PCDHGA11: variants seen among roughly 807,000 people sequenced by gnomAD.
PCDHGA11 encodes the protein protocadherin gamma subfamily A, 11.
Under a neutral mutation model 60.4 loss-of-function variants are expected in PCDHGA11, and 39 were observed. That is an observed-to-expected ratio of 0.65 (90% CI 0.50 to 0.84). The LOEUF is 0.84. Among genes scored for constraint, PCDHGA11 ranks in the 40% least tolerant of loss-of-function variants. The pLI is 0.00. For synonymous variants in PCDHGA11, 533 were observed against 510.3 expected, an observed-to-expected ratio of 1.04 and a Z score of -0.60; for missense variants, 1,165 against 1,197.7, an observed-to-expected ratio of 0.97 and a Z score of 0.40.
At position 141,487,215 on chromosome 5, in the gene PCDHGA11, C is replaced by G. The variant is rs1248989099; in HGVS notation, c.2434-7592C>G. 4 of 1,613,850 alleles carry G rather than the reference C, an allele frequency of 2.5e-6. No homozygotes were observed. Among genetic ancestry groups the G allele is most frequent in the East Asian group, 4.5e-5 (2 of 44,882 alleles). The stretch of plus-strand genomic sequence containing the variant: ...GTCCCAGATCTTCGAGAATCTTCAG[C>G]TCCAAGGGAAGGAGAATCTCGTCTA... On this transcript the variant is annotated intron_variant, in intron 1 of 3. Coordinates refer to ENST00000398587, the MANE Select transcript of PCDHGA11 (RefSeq NM_018914.3). This position sits in a 1 kb window ranked among gnomAD's most constrained non-coding sequence, Gnocchi z 5.0.
rs532830928 is a variant in PCDHGA11 at position 141,473,487 on chromosome 5, A to G, written c.2434-21320A>G. Reference sequence around the variant, plus strand: ...TTGTGCCAAGTTCAATGGAAAAAATATAAGGTGTTCTGAGAGAGCATAACA... The same window carrying G: ...TTGTGCCAAGTTCAATGGAAAAAATGTAAGGTGTTCTGAGAGAGCATAACA... On this transcript the variant is annotated intron_variant, in intron 1 of 3. Coordinates refer to ENST00000398587, the MANE Select transcript of PCDHGA11 (RefSeq NM_018914.3). 2.0e-3 allele frequency among the ~76,000 whole-genome samples: 310 copies of G among 152,242 alleles called. 5 individuals carry two copies. The South Asian group carries it at 0.052, about 25-fold the overall frequency.
intron 1 of PCDHGA11, chr5:141,428,732 T>C (rs976924838): frequency 1.3e-5 from 2 of 159,284 alleles, no homozygotes; most frequent in African/African-American, 4.8e-5. Context: ...CTTAAACATA[T>C]TATATCTACT....
Position 141,502,866 on chromosome 5 carries a change from C to CTTTTTTTTTTTTT in PCDHGA11, c.2493-2525_2493-2513dup, listed in dbSNP as rs549047197. ...GAGCTGCCTAACCCTGACTCTCTGT[C>CTTTTTTTTTTTTT]TTTTTTTTTTTTTTGACAGGGAGTC... On this transcript the variant is annotated intron_variant, in intron 2 of 3. Transcript: ENST00000398587. Among the ~76,000 whole-genome samples, 40 of 128,010 alleles carry CTTTTTTTTTTTTT rather than the reference C, an allele frequency of 3.1e-4. 6 individuals carry two copies. The highest frequency in any genetic ancestry group is 5.1e-4 in the Admixed American group (6 of 11,656). 84.0% of individuals were successfully genotyped at this position (128,010 alleles called of 152,430 possible). A position where few individuals can be genotyped will look rare whatever the true frequency, so the allele number is the denominator to read the frequency against.
rs756706355 is a variant in PCDHGA11 at position 141,486,950 on chromosome 5, G to A, written c.2434-7857G>A. On this transcript the variant is annotated intron_variant, in intron 1 of 3. Transcript: ENST00000398587. This position sits in a 1 kb window ranked among gnomAD's most constrained non-coding sequence, Gnocchi z 5.0. The stretch of plus-strand genomic sequence containing the variant: ...TGGTGCTGGCCACCTAATCACAAAG[G>A]TGACTGCTGTGGACTTGGATTCAGG... 2 of 1,614,202 alleles carry A rather than the reference G, an allele frequency of 1.2e-6. No homozygotes were observed. The highest frequency in any genetic ancestry group is 1.7e-6 in the Non-Finnish European group (2 of 1,180,044).
intron 1 of PCDHGA11, among the ~76,000 whole-genome samples, chr5:141,456,537 G>A (rs1411788378): frequency 1.3e-5 from 2 of 152,178 alleles, no homozygotes; most frequent in African/African-American, 4.8e-5. Flanking sequence ...ATTAAAGAGG[G>A]ATTGTAGCCA....
chr5:141,504,956 G>A (rs1327603937), intron 2 of PCDHGA11, among the ~76,000 whole-genome samples: 1 of 152,096 alleles, frequency 6.6e-6, no homozygotes, highest in Non-Finnish European at 1.5e-5. Context: ...TATGTTCAAT[G>A]CATTGGACCA....
In PCDHGA11 at chr5:141,493,364, TTGGAAC is replaced by T. The variant is rs1405602213; in HGVS notation, c.2434-1441_2434-1436del. Among the ~76,000 whole-genome samples, 1 of 152,184 alleles carries T rather than the reference TTGGAAC, an allele frequency of 6.6e-6. No homozygotes were observed. Among genetic ancestry groups the T allele is most frequent in the South Asian group, 2.1e-4 (1 of 4,824 alleles). On this transcript the variant is annotated intron_variant, in intron 1 of 3. Coordinates refer to ENST00000398587, the MANE Select transcript of PCDHGA11 (RefSeq NM_018914.3). The surrounding 1 kb of genome is among the most constrained non-coding windows in gnomAD (Gnocchi z 4.3). Reference sequence around the variant, plus strand: ...ATGTGTGCTTTTAATTTCTTGGCACTTGGAACTTTAAAAGCTTGAGGACAGGAGAGG... The same window carrying T: ...ATGTGTGCTTTTAATTTCTTGGCACTTTTAAAAGCTTGAGGACAGGAGAGG...
chr5:141,431,867 A>C lies in PCDHGA11; in HGVS notation c.2433+8207A>C. On this transcript the variant is annotated intron_variant, in intron 1 of 3. Transcript: ENST00000398587. The surrounding 1 kb of genome is among the most constrained non-coding windows in gnomAD (Gnocchi z 4.8). ...CAGAGGGACATTAATTGCCCTTTTA[A>C]ATGTAAATGACCAAGATTCTGAGGA... 6.2e-7 allele frequency: 1 copy of C among 1,614,226 alleles called. No individual in the cohort carries two copies. Among genetic ancestry groups the C allele is most frequent in the Non-Finnish European group, 8.5e-7 (1 of 1,180,024 alleles).
At position 141,431,359 on chromosome 5, in the gene PCDHGA11, G is replaced by C; in HGVS notation, c.2433+7699G>C. ...CCGAATTGGTGCTGAAACGCGCCCT[G>C]GACCGCGAAGAAAAGGCTGCTCACC... On this transcript the variant is annotated intron_variant, in intron 1 of 3. Coordinates refer to ENST00000398587, the MANE Select transcript of PCDHGA11 (RefSeq NM_018914.3). This position sits in a 1 kb window ranked among gnomAD's most constrained non-coding sequence, Gnocchi z 4.8. The C allele has an allele frequency of 6.2e-7, 1 of 1,614,024 alleles. No homozygotes were observed. Among genetic ancestry groups the C allele is most frequent in the Non-Finnish European group, 8.5e-7 (1 of 1,180,030 alleles).
intron 1 of PCDHGA11, among the ~76,000 whole-genome samples, chr5:141,469,600 T>C (rs1276702104): frequency 6.6e-6 from 1 of 151,974 alleles, no homozygotes; most frequent in Non-Finnish European, 1.5e-5. Flanking sequence ...TAAAACAAAA[T>C]AAGTAAAATA....
intron 1 of PCDHGA11, 92 bp downstream of exon 1, chr5:141,423,752 G>GC: frequency 1.6e-6 from 1 of 644,956 alleles, no homozygotes; most frequent in East Asian, 1.1e-4. Context: ...AAACTGTTTG[G>GC]GGGGGGGGTG....
intron 2 of PCDHGA11, among the ~76,000 whole-genome samples, chr5:141,502,170 G>A (rs1165631931): frequency 6.6e-6 from 1 of 152,128 alleles, no homozygotes; most frequent in Admixed American, 6.5e-5. Context: ...TTCAGTTGAG[G>A]AATTTAACAT....
chr5:141,483,716 G>C (rs772661472), intron 1 of PCDHGA11, among the ~76,000 whole-genome samples: 1 of 151,974 alleles, frequency 6.6e-6, no homozygotes, highest in Non-Finnish European at 1.5e-5. Context: ...CCAGAATATT[G>C]GTTCCCACCA....
At chr5:141,509,758 C>T (rs574741134) in intron 3 of PCDHGA11, among the ~76,000 whole-genome samples, 17 of 152,202 alleles carry the variant, frequency 1.1e-4, no homozygotes. Flanking sequence ...CTAAAGTGTC[C>T]CTGAGATGTC....
At chr5:141,459,703 T>G (rs2098973426) in intron 1 of PCDHGA11, among the ~76,000 whole-genome samples, 1 of 152,226 alleles carries the variant, frequency 6.6e-6, no homozygotes, top group African/African-American at 2.4e-5. Context: ...CTTGCTACAT[T>G]TTCTCACCAA....
chr5:141,454,575 T>G (rs1430018751), intron 1 of PCDHGA11, among the ~76,000 whole-genome samples: 1 of 151,400 alleles, frequency 6.6e-6, no homozygotes, highest in African/African-American at 2.4e-5. Context: ...CCCGGCTAAT[T>G]TTGTATTTTT....
In PCDHGA11 at chr5:141,421,227, C is replaced by T. The variant is rs1387397967; in HGVS notation, c.-1C>T. ...CGCGGAATATCGGCTTAGAGCCTGC[C>T]ATGGCGAATCGGCTACAGCGCGGGG... On this transcript the variant is annotated 5_prime_UTR_variant, in exon 1 of 4. Transcript: ENST00000398587. 6.3e-7 allele frequency: 1 copy of T among 1,587,020 alleles called. No homozygotes were observed. The highest frequency in any genetic ancestry group is 8.6e-7 in the Non-Finnish European group (1 of 1,168,684).
At chr5:141,482,530 CAAAAAAAAA>C (rs3074545) in intron 1 of PCDHGA11, among the ~76,000 whole-genome samples, 16 of 76,560 alleles carry the variant, frequency 2.1e-4, no homozygotes, top group African/African-American at 7.7e-4. Context: ...GACAGACATG[CAAAAAAAAA>C]AAAAAAAAAA....
chr5:141,486,083 C>T lies in PCDHGA11; in HGVS notation c.2434-8724C>T, dbSNP rs367657659. On this transcript the variant is annotated intron_variant, in intron 1 of 3. Coordinates refer to ENST00000398587, the MANE Select transcript of PCDHGA11 (RefSeq NM_018914.3). This position sits in a 1 kb window ranked among gnomAD's most constrained non-coding sequence, Gnocchi z 5.0. ...GCACCCCACTACTGGAAAGCTTACTCTTTTGGGGCCCCTAGACTTTGAGAG... is the reference window on the plus strand; with the variant it reads ...GCACCCCACTACTGGAAAGCTTACTTTTTTGGGGCCCCTAGACTTTGAGAG... The T allele has an allele frequency of 1.2e-6, 2 of 1,614,062 alleles. No individual in the cohort carries two copies. Among genetic ancestry groups the T allele is most frequent in the Non-Finnish European group, 1.7e-6 (2 of 1,180,040 alleles).
Sources: allele counts gnomAD v4.1 joint callset (sites outside exome capture counted in the v4.1 genomes callset), GRCh38; gene constraint gnomAD v4.1.1; non-coding constraint Gnocchi (gnomAD v3.1); transcripts MANE v1.5; gene names NCBI Gene and HGNC (gene_info 2026-07-23, HGNC 2026-07-21).